Variants in SOX5 observed in about 807,000 individuals in gnomAD.
The protein encoded by SOX5 is SRY-box transcription factor 5.
SOX5 carries 9 observed loss-of-function variants against 92.0 expected under a neutral mutation model. The observed-to-expected ratio is 0.10, with a 90% CI of 0.06 to 0.17. SOX5 has a LOEUF of 0.17. Among genes scored for constraint, SOX5 ranks in the 10% least tolerant of loss-of-function variants. The pLI is 1.00. For missense variants in SOX5, 642 were observed against 944.5 expected (o/e 0.68, Z 4.20); for synonymous variants, 344 against 336.3 (o/e 1.02, Z -0.25).
At chr12:23,544,448 A>AT (rs2136042747) in intron 12 of SOX5, among the ~76,000 whole-genome samples, 1 of 152,196 alleles carries the variant, frequency 6.6e-6, no homozygotes, top group South Asian at 2.1e-4. Flanking sequence ...TAGAGACTGT[A>AT]TTATCAACAA....
intron 1 of SOX5, among the ~76,000 whole-genome samples, chr12:24,407,327 C>G (rs1360799616): frequency 1.3e-5 from 2 of 152,172 alleles, no homozygotes; most frequent in African/African-American, 4.8e-5. Context: ...GATCCACCCC[C>G]TCGAGAACTT....
At chr12:23,765,958 T>C (rs2094713536) in intron 3 of SOX5, among the ~76,000 whole-genome samples, 1 of 152,158 alleles carries the variant, frequency 6.6e-6, no homozygotes, top group South Asian at 2.1e-4. Flanking sequence ...GATACACCAA[T>C]TGTGACCATC....
At chr12:23,902,668 C>T (rs927106494) in intron 1 of SOX5, among the ~76,000 whole-genome samples, 3 of 152,074 alleles carry the variant, frequency 2.0e-5, no homozygotes, top group South Asian at 2.1e-4. Context: ...TTCTTCAGTT[C>T]CTGTATCATG....
chr12:24,090,471 G>A (rs1354976472), intron 4 of SOX5, among the ~76,000 whole-genome samples: 2 of 152,056 alleles, frequency 1.3e-5, no homozygotes, highest in East Asian at 1.9e-4. Context: ...ATGCCAGTAA[G>A]TGAGACGACA....
intron 4 of SOX5, among the ~76,000 whole-genome samples, chr12:24,201,477 T>C (rs563722336): frequency 1.3e-5 from 2 of 152,324 alleles, no homozygotes; most frequent in East Asian, 3.9e-4. Context: ...CATTCTCTAC[T>C]AGCAGTATAA....
At chr12:24,262,811 T>G (rs557909073) in intron 3 of SOX5, among the ~76,000 whole-genome samples, 1 of 152,306 alleles carries the variant, frequency 6.6e-6, no homozygotes, top group African/African-American at 2.4e-5. Context: ...CATCCAACTC[T>G]TGACACAACT....
chr12:23,991,575 C>T (rs11047191), intron 4 of SOX5, among the ~76,000 whole-genome samples: 16,666 of 151,730 alleles, frequency 0.11, 1,197 homozygotes, highest in East Asian at 0.39. Context: ...CTACAAATAA[C>T]GAATTATACA....
intron 4 of SOX5, among the ~76,000 whole-genome samples, chr12:24,131,185 T>C (rs1193173445): frequency 6.6e-6 from 1 of 152,230 alleles, no homozygotes. Context: ...AAGCATAAAA[T>C]GTTCTAATCT....
At chr12:23,768,581 T>C (rs1489502384) in intron 3 of SOX5, among the ~76,000 whole-genome samples, 3 of 152,176 alleles carry the variant, frequency 2.0e-5, no homozygotes, top group Non-Finnish European at 4.4e-5. Context: ...ATTAGGAACA[T>C]ATATTTGAAT....
chr12:23,946,437 G>T (rs894294002), intron 1 of SOX5, among the ~76,000 whole-genome samples: 3 of 151,880 alleles, frequency 2.0e-5, no homozygotes, highest in Non-Finnish European at 4.4e-5. Context: ...TAAAAGGAAA[G>T]AAATAGAATA....
At chr12:24,117,301 T>C (rs1247244358) in intron 4 of SOX5, among the ~76,000 whole-genome samples, 1 of 151,772 alleles carries the variant, frequency 6.6e-6, no homozygotes, top group African/African-American at 2.4e-5. Context: ...CTATCTATAA[T>C]ACAAATGGTA....
chr12:24,171,494 A>T (rs1423982110), intron 4 of SOX5, among the ~76,000 whole-genome samples: 1 of 152,072 alleles, frequency 6.6e-6, no homozygotes, highest in African/African-American at 2.4e-5. Flanking sequence ...AAGGGCTAGG[A>T]TTACAGGCGT....
chr12:24,065,659 AAAAAAAAGAAAAGAAAAAAGAAAAAG>A (rs1940592984), intron 4 of SOX5, among the ~76,000 whole-genome samples: 1 of 115,984 alleles, frequency 8.6e-6, no homozygotes, highest in African/African-American at 2.6e-5. Flanking sequence ...AAAAAAAAAA[AAAAAAAAGAAAAGAAAAAAGAAAAAG>A]AAAAAGAAAT....
At chr12:23,924,130 G>C (rs373250611) in intron 1 of SOX5, among the ~76,000 whole-genome samples, 2 of 152,114 alleles carry the variant, frequency 1.3e-5, no homozygotes, top group African/African-American at 4.8e-5. Context: ...ATTGTACCAA[G>C]ATAAAATATT....
chr12:23,825,366 G>T (rs929376031), intron 3 of SOX5, among the ~76,000 whole-genome samples: 1 of 152,138 alleles, frequency 6.6e-6, no homozygotes, highest in Admixed American at 6.5e-5. Context: ...GTGAGGCAAC[G>T]CCCTACCCTG....
intron 2 of SOX5, among the ~76,000 whole-genome samples, chr12:24,349,916 T>C (rs1953858210): frequency 6.6e-6 from 1 of 152,196 alleles, no homozygotes; most frequent in Non-Finnish European, 1.5e-5. Flanking sequence ...GCATACGAGT[T>C]CCAATTTCTC....
chr12:23,595,326 T>TA (rs1392241408), intron 9 of SOX5, among the ~76,000 whole-genome samples: 3 of 151,022 alleles, frequency 2.0e-5, no homozygotes, highest in South Asian at 2.1e-4. Context: ...AAGAACTTCT[T>TA]AAAAAAAAAT....
chr12:23,904,500 CAGAGT>C (rs1298093068), intron 1 of SOX5, among the ~76,000 whole-genome samples: 1 of 151,990 alleles, frequency 6.6e-6, no homozygotes, highest in African/African-American at 2.4e-5. Flanking sequence ...TGTATTTCAC[CAGAGT>C]AGAGATCAAC....
At position 23,674,336 on chromosome 12, in the gene SOX5, A is replaced by ATTTTTTTTTTTTTTTTTTTTTTTTTTTTT. The variant is rs34975795; in HGVS notation, c.811-8773_811-8772insAAAAAAAAAAAAAAAAAAAAAAAAAAAAA. Among the ~76,000 whole-genome samples, 13 of 97,378 alleles carry ATTTTTTTTTTTTTTTTTTTTTTTTTTTTT rather than the reference A, an allele frequency of 1.3e-4. 3 individuals are homozygous for ATTTTTTTTTTTTTTTTTTTTTTTTTTTTT. Among genetic ancestry groups the ATTTTTTTTTTTTTTTTTTTTTTTTTTTTT allele is most frequent in the African/African-American group, 4.7e-4 (11 of 23,632 alleles). The allele number at this position is 97,378 out of a possible 152,430, so 63.9% of individuals were successfully genotyped here. Reference sequence around the variant, plus strand: ...AAATATTTTCTTACCATAAAAAGGAATTTTTTTTTTTTTTTTTTGAGACGG... The same window carrying ATTTTTTTTTTTTTTTTTTTTTTTTTTTTT: ...AAATATTTTCTTACCATAAAAAGGAATTTTTTTTTTTTTTTTTTTTTTTTTTTTTTTTTTTTTTTTTTTTTTTGAGACGG... On this transcript the variant is annotated intron_variant, in intron 6 of 14. Coordinates refer to ENST00000451604, the MANE Select transcript of SOX5 (RefSeq NM_006940.6).
Sources: allele counts gnomAD v4.1 joint callset (sites outside exome capture counted in the v4.1 genomes callset), GRCh38; gene constraint gnomAD v4.1.1; transcripts MANE v1.5; gene names NCBI Gene and HGNC (gene_info 2026-07-23, HGNC 2026-07-21).